FALEC: variants seen among roughly 807,000 people sequenced by gnomAD.
The protein encoded by FALEC is focally amplified lncRNA on chromosome 1.
At chr1:150,529,888 C>T in the FALEC span, among the ~76,000 whole-genome samples, 2 of 152,272 alleles carry the variant, frequency 1.3e-5, no homozygotes, top group African/African-American at 4.8e-5. Flanking sequence ...TGAGCCACCG[C>T]GCCCAGCCTG....
the FALEC span, among the ~76,000 whole-genome samples, chr1:150,531,083 A>C: frequency 3.3e-5 from 5 of 152,214 alleles, no homozygotes; most frequent in Non-Finnish European, 7.3e-5. Context: ...ATACTCAATG[A>C]TTCCACTATT....
chr1:150,517,376 A>G (rs752601542), intron 1 of FALEC, among the ~76,000 whole-genome samples: 1 of 150,730 alleles, frequency 6.6e-6, no homozygotes, highest in African/African-American at 2.4e-5. Flanking sequence ...GATAGGGTTG[A>G]GAGAACCTGT....
the FALEC span, among the ~76,000 whole-genome samples, chr1:150,530,813 G>C: frequency 2.0e-5 from 3 of 152,132 alleles, no homozygotes; most frequent in Non-Finnish European, 2.9e-5. Flanking sequence ...TCCATCTATA[G>C]ATATCCAGCT....
At chr1:150,526,248 G>A in the FALEC span, among the ~76,000 whole-genome samples, 2 of 151,370 alleles carry the variant, frequency 1.3e-5, no homozygotes, top group African/African-American at 4.8e-5. Context: ...TACTCAGGAG[G>A]CCAAGGCAGG....
At chr1:150,534,289 G>A in the FALEC span, among the ~76,000 whole-genome samples, 1 of 152,180 alleles carries the variant, frequency 6.6e-6, no homozygotes, top group Non-Finnish European at 1.5e-5. Flanking sequence ...GAGACTCCCT[G>A]GAGAGGGATG....
At chr1:150,529,016 C>CAAAAAAAAAAAGAAAAAAAA in the FALEC span, among the ~76,000 whole-genome samples, 1 of 59,292 alleles carries the variant, frequency 1.7e-5, no homozygotes, top group African/African-American at 7.7e-5. Context: ...AAATAAATAG[C>CAAAAAAAAAAAGAAAAAAAA]AAAAAAAAAA....
At chr1:150,530,179 T>G in the FALEC span, among the ~76,000 whole-genome samples, 1 of 152,198 alleles carries the variant, frequency 6.6e-6, no homozygotes, top group Non-Finnish European at 1.5e-5. Flanking sequence ...TTTTCTCTTC[T>G]GTAAAATGGG....
the FALEC span, among the ~76,000 whole-genome samples, chr1:150,535,634 C>T: frequency 6.6e-6 from 1 of 152,208 alleles, no homozygotes; most frequent in Non-Finnish European, 1.5e-5. Context: ...CAGTTACGGG[C>T]TTTATGTGCA....
chr1:150,518,608 G>A (rs913726234), downstream of FALEC, among the ~76,000 whole-genome samples: 3 of 151,374 alleles, frequency 2.0e-5, no homozygotes, highest in Admixed American at 6.6e-5. Context: ...GGCTAGTCCC[G>A]AACTCCTGAC....
At chr1:150,532,121 A>G in the FALEC span, among the ~76,000 whole-genome samples, 16 of 152,136 alleles carry the variant, frequency 1.1e-4, no homozygotes, top group Non-Finnish European at 2.1e-4. Context: ...GTTAGCCAGG[A>G]TGGTCTTGAT....
the FALEC span, among the ~76,000 whole-genome samples, chr1:150,535,383 A>G: frequency 3.3e-5 from 5 of 152,082 alleles, no homozygotes; most frequent in African/African-American, 1.2e-4. Flanking sequence ...AGCTGGGATT[A>G]CAGGCGCCCG....
At chr1:150,529,192 G>A in the FALEC span, among the ~76,000 whole-genome samples, 33 of 152,256 alleles carry the variant, frequency 2.2e-4, no homozygotes, top group Middle Eastern at 3.4e-3. Context: ...TTGTGGGAAC[G>A]GGGTGTGAGT....
chr1:150,532,745 C>T, the FALEC span, among the ~76,000 whole-genome samples: 8 of 150,436 alleles, frequency 5.3e-5, no homozygotes, highest in Non-Finnish European at 1.0e-4. Context: ...CGCCCCCTAA[C>T]GGTGAAGACA....
chr1:150,525,557 CACTTAAA>C, the FALEC span, among the ~76,000 whole-genome samples: 13 of 152,304 alleles, frequency 8.5e-5, no homozygotes, highest in African/African-American at 2.2e-4. Context: ...TGTCCATTTA[CACTTAAA>C]ACTTAAATCT....
At chr1:150,535,883 G>A in the FALEC span, among the ~76,000 whole-genome samples, 1 of 152,170 alleles carries the variant, frequency 6.6e-6, no homozygotes, top group African/African-American at 2.4e-5. Context: ...TGCACCTGGG[G>A]CTTAGAGCAC....
chr1:150,536,549 T>G, the FALEC span, among the ~76,000 whole-genome samples: 1 of 152,122 alleles, frequency 6.6e-6, no homozygotes, highest in Non-Finnish European at 1.5e-5. Context: ...CACAATACTT[T>G]GGGAGGCTGA....
At chr1:150,523,205 C>A in the FALEC span, among the ~76,000 whole-genome samples, 2 of 145,894 alleles carry the variant, frequency 1.4e-5, no homozygotes, top group Non-Finnish European at 3.0e-5. Flanking sequence ...GTTGACCAGG[C>A]TGGTCTCAAA....
the FALEC span, among the ~76,000 whole-genome samples, chr1:150,526,580 G>A: frequency 1.8e-3 from 269 of 151,848 alleles, no homozygotes; most frequent in African/African-American, 6.2e-3. Context: ...AGGGACTACA[G>A]GCACATGCCA....
the FALEC span, among the ~76,000 whole-genome samples, chr1:150,534,323 C>T: frequency 2.8e-3 from 419 of 152,330 alleles, 1 homozygote; most frequent in Admixed American, 5.3e-3. Context: ...CCACTGAAGC[C>T]GCTGTCGTCC....
Sources: allele counts gnomAD v4.1 joint callset (sites outside exome capture counted in the v4.1 genomes callset), GRCh38; gene constraint gnomAD v4.1.1; transcripts MANE v1.5; gene names NCBI Gene and HGNC (gene_info 2026-07-23, HGNC 2026-07-21).